The following ME3 variants were observed in gnomAD, a reference collection of about 807,000 sequenced individuals.
ME3 encodes the protein malic enzyme 3, also known as NADP-dependent malic enzyme, mitochondrial.
A neutral mutation model predicts 68.9 loss-of-function variants in ME3; 48 were observed. The observed-to-expected ratio is 0.70, with a 90% CI of 0.55 to 0.89. ME3 has a LOEUF of 0.89. Among genes scored for constraint, ME3 ranks in the 40% least tolerant of loss-of-function variants. The pLI is 0.00. For synonymous variants in ME3, 320 were observed against 318.8 expected (o/e 1.00, Z -0.04); for missense variants, 675 against 797.4 (o/e 0.85, Z 1.85).
At chr11:86,641,482 C>T (rs377187161) in intron 2 of ME3, among the ~76,000 whole-genome samples, 2 of 152,208 alleles carry the variant, frequency 1.3e-5, no homozygotes, top group Non-Finnish European at 2.9e-5. Flanking sequence ...TGTTTACAGC[C>T]TGCCTTCTTT....
intron 8 of ME3, chr11:86,464,085 C>T: frequency 2.2e-6 from 1 of 450,586 alleles, no homozygotes; most frequent in Non-Finnish European, 4.4e-6. Flanking sequence ...CCCTGACTCA[C>T]TTGAAGAAAA....
chr11:86,548,988 C>T (rs1482695679), intron 4 of ME3, among the ~76,000 whole-genome samples: 1 of 152,230 alleles, frequency 6.6e-6, no homozygotes, highest in African/African-American at 2.4e-5. Flanking sequence ...GCATCAACAT[C>T]ACCTGGACTT....
At chr11:86,598,158 G>A (rs1044451895) in intron 2 of ME3, among the ~76,000 whole-genome samples, 27 of 152,214 alleles carry the variant, frequency 1.8e-4, no homozygotes, top group Non-Finnish European at 1.5e-5. Context: ...TGCCTCACTC[G>A]GGAAGTGCAA....
At chr11:86,607,381 A>G (rs1961836016) in intron 2 of ME3, among the ~76,000 whole-genome samples, 1 of 150,602 alleles carries the variant, frequency 6.6e-6, no homozygotes, top group South Asian at 2.1e-4. Flanking sequence ...TTTTCCCACC[A>G]TACTCATTGG....
chr11:86,501,271 A>C (rs997239720), intron 5 of ME3, among the ~76,000 whole-genome samples: 1 of 152,120 alleles, frequency 6.6e-6, no homozygotes, highest in Non-Finnish European at 1.5e-5. Flanking sequence ...ATAAAGTAAG[A>C]ATGATGAATA....
In ME3 at chr11:86,448,132, T is replaced by C; in HGVS notation, c.1237+18A>G. ...AGGGTTAGCTGGGCTGGGTAGTGGGTACCCTCCCTCCTCCTACCTATGATG... is the reference window on the plus strand; with the variant it reads ...AGGGTTAGCTGGGCTGGGTAGTGGGCACCCTCCCTCCTCCTACCTATGATG... On this transcript the variant is annotated intron_variant, in intron 11 of 14. Transcript: ENST00000543262. 1 of 1,568,664 alleles carries C rather than the reference T, an allele frequency of 6.4e-7. No homozygotes were observed. Among genetic ancestry groups the C allele is most frequent in the Non-Finnish European group, 8.8e-7 (1 of 1,138,774 alleles).
At chr11:86,593,987 G>A (rs1483409437) in intron 2 of ME3, among the ~76,000 whole-genome samples, 1 of 146,234 alleles carries the variant, frequency 6.8e-6, no homozygotes, top group Non-Finnish European at 1.5e-5. Context: ...TTAAGAGACT[G>A]ATGACTCATT....
chr11:86,470,513 A>G (rs1950726198), intron 7 of ME3, among the ~76,000 whole-genome samples: 2 of 152,186 alleles, frequency 1.3e-5, no homozygotes, highest in African/African-American at 2.4e-5. Context: ...TCTGTGGTTA[A>G]GTAAATTTGG....
chr11:86,510,503 A>G (rs1953438277), intron 4 of ME3, among the ~76,000 whole-genome samples: 1 of 152,124 alleles, frequency 6.6e-6, no homozygotes, highest in South Asian at 2.1e-4. Flanking sequence ...GTGATCTTAT[A>G]AATACCCAAG....
At chr11:86,468,340 ATCCATCCATCCATCCATCCATTT>A (rs1950597089) in intron 7 of ME3, among the ~76,000 whole-genome samples, 1 of 151,912 alleles carries the variant, frequency 6.6e-6, no homozygotes. Context: ...ACCATCCATC[ATCCATCCATCCATCCATCCATTT>A]TCCATCCATC....
At chr11:86,637,561 A>G (rs1209045590) in intron 2 of ME3, among the ~76,000 whole-genome samples, 1 of 152,186 alleles carries the variant, frequency 6.6e-6, no homozygotes, top group East Asian at 1.9e-4. Flanking sequence ...GTGTGCACTT[A>G]GGAGCAGTGA....
At chr11:86,666,052 G>A (rs1193723370) in intron 2 of ME3, among the ~76,000 whole-genome samples, 1 of 152,226 alleles carries the variant, frequency 6.6e-6, no homozygotes, top group Non-Finnish European at 1.5e-5. Flanking sequence ...AACAATGAAA[G>A]CTTCATATCA....
intron 2 of ME3, among the ~76,000 whole-genome samples, chr11:86,612,284 TACC>T (rs1295590891): frequency 6.6e-6 from 1 of 152,254 alleles, no homozygotes; most frequent in Non-Finnish European, 1.5e-5. Flanking sequence ...AGTGTGTATG[TACC>T]ACATTTTCTT....
chr11:86,595,123 G>A (rs1594586805), intron 2 of ME3, among the ~76,000 whole-genome samples: 1 of 144,482 alleles, frequency 6.9e-6, no homozygotes, highest in South Asian at 2.3e-4. Context: ...TTTGACAAGG[G>A]CTAATAATAA....
chr11:86,489,477 C>T (rs1187566376), intron 6 of ME3, among the ~76,000 whole-genome samples: 1 of 152,180 alleles, frequency 6.6e-6, no homozygotes, highest in African/African-American at 2.4e-5. Context: ...GCCCTAAGTG[C>T]TTTACTTAAC....
chr11:86,649,565 C>G (rs185228792), intron 2 of ME3, among the ~76,000 whole-genome samples: 1 of 152,298 alleles, frequency 6.6e-6, no homozygotes, highest in East Asian at 1.9e-4. Context: ...TTAGAAAACA[C>G]CATCGTCTCA....
At chr11:86,529,600 A>C (rs900965772) in intron 4 of ME3, among the ~76,000 whole-genome samples, 9 of 152,200 alleles carry the variant, frequency 5.9e-5, no homozygotes, top group Admixed American at 1.3e-4. Flanking sequence ...TCGATGCAAA[A>C]TTCCTCAATA....
chr11:86,591,248 T>G (rs547076534), intron 2 of ME3, among the ~76,000 whole-genome samples: 1 of 152,330 alleles, frequency 6.6e-6, no homozygotes, highest in East Asian at 1.9e-4. Flanking sequence ...AATATAGCAA[T>G]ACTGCTTTAT....
intron 5 of ME3, among the ~76,000 whole-genome samples, chr11:86,500,114 C>G (rs1952619020): frequency 6.6e-6 from 1 of 152,222 alleles, no homozygotes. Flanking sequence ...CTTGGTAGAT[C>G]TCCCTGTTAG....
Sources: allele counts gnomAD v4.1 joint callset (sites outside exome capture counted in the v4.1 genomes callset), GRCh38; gene constraint gnomAD v4.1.1; transcripts MANE v1.5; gene names NCBI Gene and HGNC (gene_info 2026-07-23, HGNC 2026-07-21).